GRIK4: variants seen among roughly 807,000 people sequenced by gnomAD.
GRIK4 encodes glutamate receptor ionotropic, kainate 4.
Under a neutral mutation model 104.9 loss-of-function variants are expected in GRIK4, and 40 were observed. The observed-to-expected ratio is 0.38, with a 90% CI of 0.30 to 0.50. The LOEUF (loss-of-function observed/expected upper bound fraction) is 0.50. Among genes scored for constraint, GRIK4 ranks in the 20% least tolerant of loss-of-function variants. The pLI is 0.93. For missense variants in GRIK4, 1,047 were observed against 1,308.1 expected (o/e 0.80, Z 3.08); for synonymous variants, 485 against 524.9 (o/e 0.92, Z 1.04).
intron 3 of GRIK4, among the ~76,000 whole-genome samples, chr11:120,769,100 T>C (rs1242254037): frequency 6.6e-6 from 1 of 152,184 alleles, no homozygotes; most frequent in African/African-American, 2.4e-5. Context: ...TGGAAGAGTT[T>C]AAGAAGCCCT....
rs17124235 is a variant in GRIK4, at chr11:120,719,083, T to C, written c.82+58683T>C. On this transcript the variant is annotated intron_variant, in intron 3 of 20. Transcript: ENST00000527524. ...ATTTTGGTAAGTTGCATAATTGAGTTTTTTTTAAAGTGTATAATGAATATT... is the reference window on the plus strand; with the variant it reads ...ATTTTGGTAAGTTGCATAATTGAGTCTTTTTTAAAGTGTATAATGAATATT... Among the ~76,000 whole-genome samples the C allele has an allele frequency of 3.2e-3, 489 of 152,280 alleles. 4 individuals carry two copies. The highest frequency in any genetic ancestry group is 0.011 in the African/African-American group (472 of 41,562).
intron 1 of GRIK4, among the ~76,000 whole-genome samples, chr11:120,532,976 A>G (rs1049927746): frequency 5.3e-5 from 8 of 152,230 alleles, no homozygotes; most frequent in African/African-American, 1.9e-4. Context: ...TCCTGAGTTC[A>G]GTACTTAGTG....
intron 1 of GRIK4, among the ~76,000 whole-genome samples, chr11:120,532,114 C>T (rs569021672): frequency 6.6e-5 from 10 of 152,310 alleles, no homozygotes; most frequent in African/African-American, 1.4e-4. Flanking sequence ...CAGCTGGAGC[C>T]GGGTACCTGT....
rs930362286 is a variant in GRIK4 at position 120,939,644 on chromosome 11, C to G, written c.1477-703C>G. Among the ~76,000 whole-genome samples the G allele has an allele frequency of 2.0e-5, 3 of 152,212 alleles. No individual in the cohort carries two copies. Among genetic ancestry groups the G allele is most frequent in the Admixed American group, 2.0e-4 (3 of 15,282 alleles). Reference sequence around the variant, plus strand: ...AGCAAAGTTTCTTACACACCATAAGCAGTCAGTGGAGTTTTGTCAACTGAA... The same window carrying G: ...AGCAAAGTTTCTTACACACCATAAGGAGTCAGTGGAGTTTTGTCAACTGAA... On this transcript the variant is annotated intron_variant, in intron 13 of 20. Coordinates refer to ENST00000527524, the MANE Select transcript of GRIK4 (RefSeq NM_014619.5). The surrounding 1 kb of genome is among the most constrained non-coding windows in gnomAD (Gnocchi z 5.6).
chr11:120,855,795 C>G (rs1395294882), intron 8 of GRIK4, among the ~76,000 whole-genome samples: 2 of 152,200 alleles, frequency 1.3e-5, no homozygotes, highest in South Asian at 4.1e-4. Context: ...ACTCCTGACT[C>G]CAGGTAATGC....
In GRIK4 at chr11:120,514,750, G is replaced by A. The variant is rs192136573; in HGVS notation, c.-159+2863G>A. ...GGAAAGAACGGCTGGGTTCCCCCAGGCATGCAGCCGGGGTGCCTGGGGCAC... is the reference window on the plus strand; with the variant it reads ...GGAAAGAACGGCTGGGTTCCCCCAGACATGCAGCCGGGGTGCCTGGGGCAC... On this transcript the variant is annotated intron_variant, in intron 1 of 20. Coordinates refer to ENST00000527524, the MANE Select transcript of GRIK4 (RefSeq NM_014619.5). Among the ~76,000 whole-genome samples the A allele has an allele frequency of 4.5e-4, 68 of 152,250 alleles. No homozygotes were observed. In the East Asian group the frequency reaches 0.012, roughly 26 times the overall value.
At chr11:120,945,553 T>C (rs1943838686) in intron 14 of GRIK4, among the ~76,000 whole-genome samples, 1 of 152,228 alleles carries the variant, frequency 6.6e-6, no homozygotes, top group African/African-American at 2.4e-5. Context: ...TGCTTTCCTT[T>C]GTGCTCCTGA....
chr11:120,593,262 C>G (rs1407748811), intron 1 of GRIK4, among the ~76,000 whole-genome samples: 1 of 151,856 alleles, frequency 6.6e-6, no homozygotes, highest in Non-Finnish European at 1.5e-5. Flanking sequence ...CCAAACAACT[C>G]AGAAGAGTTG....
chr11:120,654,331 G>C (rs890873497), intron 2 of GRIK4, among the ~76,000 whole-genome samples: 1 of 152,150 alleles, frequency 6.6e-6, no homozygotes, highest in Non-Finnish European at 1.5e-5. Context: ...GGATGAGTGC[G>C]TGGCCATGAA....
chr11:120,533,476 G>GC (rs1947942370), intron 1 of GRIK4, among the ~76,000 whole-genome samples: 1 of 152,176 alleles, frequency 6.6e-6, no homozygotes, highest in African/African-American at 2.4e-5. Flanking sequence ...CTCTCCCATT[G>GC]CCCCTGCTGC....
In GRIK4 at chr11:120,648,807, G is replaced by GAAAC. The variant is rs112945166; in HGVS notation, c.-158-4852_-158-4849dup. Among the ~76,000 whole-genome samples the GAAAC allele has an allele frequency of 6.9e-4, 105 of 151,244 alleles. No homozygotes were observed. In the South Asian group the frequency reaches 7.1e-3, roughly 10 times the overall value. On this transcript the variant is annotated intron_variant, in intron 1 of 20. Transcript: ENST00000527524. ...TAATTATTAACCAGACTTTTTAAGT[G>GAAAC]AAACAAACAAACAAACAAACAAACA...
Position 120,941,676 on chromosome 11 carries a change from G to T in GRIK4, c.1590+1216G>T, listed in dbSNP as rs528887855. The stretch of plus-strand genomic sequence containing the variant: ...GGAATTTGAACACAGACACATAGAG[G>T]AGAATGCCTTGGGAATTCGAAGGCA... On this transcript the variant is annotated intron_variant, in intron 14 of 20. Coordinates refer to ENST00000527524, the MANE Select transcript of GRIK4 (RefSeq NM_014619.5). Among the ~76,000 whole-genome samples, 8 of 152,230 alleles carry T rather than the reference G, an allele frequency of 5.3e-5. No individual in the cohort carries two copies. In the South Asian group the frequency reaches 1.5e-3, roughly 28 times the overall value.
chr11:120,614,946 C>T (rs1336853515), intron 1 of GRIK4, among the ~76,000 whole-genome samples: 1 of 152,178 alleles, frequency 6.6e-6, no homozygotes, highest in Non-Finnish European at 1.5e-5. Context: ...TTGCAGTGAG[C>T]TGAGATCGCG....
Position 120,957,022 on chromosome 11 carries a change from C to T in GRIK4, c.1874+69C>T. 6 of 1,343,374 alleles carry T rather than the reference C, an allele frequency of 4.5e-6. No homozygotes were observed. In the South Asian group the frequency reaches 5.8e-5, roughly 13 times the overall value. The allele number at this position is 1,343,374 out of a possible 1,614,324, so 83.2% of individuals were successfully genotyped here. The stretch of plus-strand genomic sequence containing the variant: ...ACACAAAAGGGGCCCTCTGATAAGC[C>T]GGCTCTAGCTTCTAGAGCCCCAGAG... On this transcript the variant is annotated intron_variant, in intron 16 of 20. Transcript: ENST00000527524.
Position 120,956,203 on chromosome 11 carries a change from CTTTT to C in GRIK4, c.1701-565_1701-562del, listed in dbSNP as rs11329842. Among the ~76,000 whole-genome samples the C allele has an allele frequency of 7.0e-6, 1 of 142,992 alleles. No homozygotes were observed. The highest frequency in any genetic ancestry group is 2.6e-5 in the African/African-American group (1 of 38,952). 93.8% of individuals were successfully genotyped at this position (142,992 alleles called of 152,430 possible). A position where few individuals can be genotyped will look rare whatever the true frequency, so the allele number is the denominator to read the frequency against. ...CCTAGCCTCAGGGGCTCCACTTAAT[CTTTT>C]TTTTTTTTTTTGAGACAGGGTCTCA... On this transcript the variant is annotated intron_variant, in intron 15 of 20. Coordinates refer to ENST00000527524, the MANE Select transcript of GRIK4 (RefSeq NM_014619.5). This position sits in a 1 kb window ranked among gnomAD's most constrained non-coding sequence, Gnocchi z 4.6.
At chr11:120,880,175 C>T (rs1231231033) in intron 11 of GRIK4, among the ~76,000 whole-genome samples, 1 of 152,178 alleles carries the variant, frequency 6.6e-6, no homozygotes, top group African/African-American at 2.4e-5. Context: ...GAGGTCGTAA[C>T]CTCCCAGCGT....
At chr11:120,735,689 G>GT (rs1310183413) in intron 3 of GRIK4, among the ~76,000 whole-genome samples, 1 of 58,800 alleles carries the variant, frequency 1.7e-5, no homozygotes, top group African/African-American at 7.1e-5. Context: ...AGGGATTGGA[G>GT]TGAAAAAAAA....
chr11:120,841,164 A>G (rs1430940187), intron 8 of GRIK4, among the ~76,000 whole-genome samples: 2 of 152,182 alleles, frequency 1.3e-5, no homozygotes, highest in African/African-American at 2.4e-5. Context: ...TTTCAGTGGC[A>G]TGAAGTACAT....
At chr11:120,605,000 C>A (rs778230868) in intron 1 of GRIK4, among the ~76,000 whole-genome samples, 1 of 152,168 alleles carries the variant, frequency 6.6e-6, no homozygotes, top group Admixed American at 6.5e-5. Context: ...GTAGCCGGGA[C>A]CACTGGTGTG....
Sources: gnomAD v4.1 joint callset for allele counts (sites outside exome capture counted in the v4.1 genomes callset) on GRCh38, gnomAD v4.1.1 for gene constraint, Gnocchi (gnomAD v3.1) non-coding constraint, MANE v1.5 for transcripts, NCBI Gene and HGNC (gene_info 2026-07-23, HGNC 2026-07-21) for gene names.